The following CEP128 variants were observed in gnomAD, a reference collection of about 807,000 sequenced individuals.
The protein encoded by CEP128 is centrosomal protein 128kDa.
A neutral mutation model predicts 156.7 loss-of-function variants in CEP128; 132 were observed. The ratio of observed to expected loss-of-function variants is 0.84; its 90% CI spans 0.73 to 0.97. The LOEUF (loss-of-function observed/expected upper bound fraction) is 0.97, where lower values mean the gene tolerates loss of function less well. Among genes scored for constraint, CEP128 ranks in the 50% least tolerant of loss-of-function variants. The pLI, the probability that CEP128 is intolerant of heterozygous loss-of-function variation, is 0.00. For missense variants in CEP128, 1,252 were observed against 1,281.9 expected (o/e 0.98, Z 0.36); for synonymous variants, 469 against 448.9 (o/e 1.04, Z -0.57).
intron 20 of CEP128, among the ~76,000 whole-genome samples, chr14:80,571,126 C>T (rs541344132): frequency 7.6e-4 from 116 of 152,270 alleles, no homozygotes; most frequent in African/African-American, 2.6e-3. Flanking sequence ...AAGACCTAAA[C>T]TTAATTAGCT....
intron 19 of CEP128, among the ~76,000 whole-genome samples, chr14:80,649,775 A>T (rs1193645929): frequency 6.6e-6 from 1 of 152,118 alleles, no homozygotes; most frequent in Non-Finnish European, 1.5e-5. Flanking sequence ...ATTGATCTAT[A>T]TATCTGTTTT....
At chr14:80,578,357 C>A (rs887538552) in intron 20 of CEP128, among the ~76,000 whole-genome samples, 1 of 151,936 alleles carries the variant, frequency 6.6e-6, no homozygotes, top group Non-Finnish European at 1.5e-5. Context: ...TACCCCCTAC[C>A]CCTAAGGAGA....
At chr14:80,620,091 C>G (rs531105916) in intron 19 of CEP128, among the ~76,000 whole-genome samples, 2 of 152,240 alleles carry the variant, frequency 1.3e-5, no homozygotes, top group South Asian at 2.1e-4. Flanking sequence ...CACCATTGCA[C>G]TCCAGCCTGG....
chr14:80,861,904 A>G (rs1207077433), intron 9 of CEP128, among the ~76,000 whole-genome samples: 2 of 152,180 alleles, frequency 1.3e-5, no homozygotes, highest in African/African-American at 2.4e-5. Flanking sequence ...AAGTATGTAT[A>G]TCATGTCTGC....
chr14:80,743,435 A>G (rs1046413210), intron 18 of CEP128, among the ~76,000 whole-genome samples, 168 bp from the exon 19 acceptor site: 2 of 152,234 alleles, frequency 1.3e-5, no homozygotes, highest in Non-Finnish European at 2.9e-5. Flanking sequence ...GTCTACAGCA[A>G]GTAAAAGCTG....
At chr14:80,825,537 T>A (rs1410652550) in intron 13 of CEP128, among the ~76,000 whole-genome samples, 1 of 152,216 alleles carries the variant, frequency 6.6e-6, no homozygotes, top group Non-Finnish European at 1.5e-5. Flanking sequence ...AACTAATGTA[T>A]TAGCAATAAA....
At chr14:80,643,616 C>G (rs545487152) in intron 19 of CEP128, among the ~76,000 whole-genome samples, 1 of 151,790 alleles carries the variant, frequency 6.6e-6, no homozygotes, top group East Asian at 1.9e-4. Context: ...AGGCTCAGGC[C>G]GGAGAATCAC....
At chr14:80,601,518 T>C (rs541404704) in intron 19 of CEP128, among the ~76,000 whole-genome samples, 13 of 152,308 alleles carry the variant, frequency 8.5e-5, no homozygotes, top group African/African-American at 3.1e-4. Context: ...AAAGATGTCC[T>C]GGGCCACAGG....
At chr14:80,801,735 C>T (rs1595422955) in intron 13 of CEP128, among the ~76,000 whole-genome samples, 1 of 151,464 alleles carries the variant, frequency 6.6e-6, no homozygotes, top group Admixed American at 6.6e-5. Flanking sequence ...AGTGAAACCC[C>T]GTCTCTACTA....
chr14:80,732,109 T>G (rs1898301010), intron 19 of CEP128, among the ~76,000 whole-genome samples: 1 of 152,158 alleles, frequency 6.6e-6, no homozygotes, highest in African/African-American at 2.4e-5. Flanking sequence ...ACATGTTTAC[T>G]TTCTGTTAAA....
At chr14:80,899,382 C>T (rs1883395498) in intron 7 of CEP128, among the ~76,000 whole-genome samples, 1 of 152,112 alleles carries the variant, frequency 6.6e-6, no homozygotes, top group African/African-American at 2.4e-5. Context: ...AAGCCACCTG[C>T]CACTGGTGAT....
At chr14:80,576,230 ATTACC>A (rs1891348833) in intron 20 of CEP128, among the ~76,000 whole-genome samples, 1 of 152,186 alleles carries the variant, frequency 6.6e-6, no homozygotes, top group Admixed American at 6.5e-5. Flanking sequence ...GGAAAAATGG[ATTACC>A]TTGTGTGTCT....
intron 6 of CEP128, among the ~76,000 whole-genome samples, chr14:80,903,285 G>C (rs1157510414): frequency 6.6e-6 from 1 of 152,072 alleles, no homozygotes; most frequent in Non-Finnish European, 1.5e-5. Flanking sequence ...AAATTGTGTT[G>C]ACAAAACTGC....
chr14:80,913,463 G>A (rs1884364577), intron 4 of CEP128, among the ~76,000 whole-genome samples: 1 of 152,108 alleles, frequency 6.6e-6, no homozygotes, highest in Non-Finnish European at 1.5e-5. Context: ...TAAATACATA[G>A]AAAATGTTTG....
At chr14:80,490,540 T>C (rs1366634016) in exon 7 of CEP128, 2 of 152,188 alleles carry the variant, frequency 1.3e-5, no homozygotes, top group African/African-American at 4.8e-5. Flanking sequence ...AGAAGAACTA[T>C]ACTATAGGCC....
Position 80,814,242 on chromosome 14 carries a change from G to GTC in CEP128, c.1209+16899_1209+16900dup, listed in dbSNP as rs202028016. 3.7e-3 allele frequency among the ~76,000 whole-genome samples: 556 copies of GTC among 151,892 alleles called. 3 individuals carry two copies. The highest frequency in any genetic ancestry group is 0.012 in the African/African-American group (513 of 41,416). ...CTCTTCAAATATTGCTTCTGCCCTCGTCTCTCTCTCTGTCTTTAGGACTCC... is the reference window on the plus strand; with the variant it reads ...CTCTTCAAATATTGCTTCTGCCCTCGTCTCTCTCTCTCTGTCTTTAGGACTCC... On this transcript the variant is annotated intron_variant, in intron 13 of 24. Coordinates refer to ENST00000555265, the MANE Select transcript of CEP128 (RefSeq NM_152446.5).
intron 8 of CEP128, among the ~76,000 whole-genome samples, chr14:80,865,121 C>T (rs1270565609): frequency 6.6e-6 from 1 of 152,164 alleles, no homozygotes; most frequent in Non-Finnish European, 1.5e-5. Context: ...CCATTCCACT[C>T]TCTGCTTCTA....
At chr14:80,568,527 T>C (rs928212324) in intron 20 of CEP128, among the ~76,000 whole-genome samples, 2 of 152,194 alleles carry the variant, frequency 1.3e-5, no homozygotes, top group African/African-American at 2.4e-5. Context: ...TGTGTGCTTC[T>C]GTGTTCAGTT....
rs914286759 is a variant in CEP128, at chr14:80,603,623, G to A, written c.2807-23200C>T. On this transcript the variant is annotated intron_variant, in intron 19 of 24. Transcript: ENST00000555265. ...TTGTCCATCTACTCCTCCTTCCTCC[G>A]CTCTAAAATAGACACAATTAATAGC... Among the ~76,000 whole-genome samples, 6 of 152,118 alleles carry A rather than the reference G, an allele frequency of 3.9e-5. No homozygotes were observed. The East Asian group carries it at 5.8e-4, about 15-fold the overall frequency.
Sources: allele counts gnomAD v4.1 joint callset (sites outside exome capture counted in the v4.1 genomes callset), GRCh38; gene constraint gnomAD v4.1.1; transcripts MANE v1.5; gene names NCBI Gene and HGNC (gene_info 2026-07-23, HGNC 2026-07-21).